The following POU6F2 variants were observed in gnomAD, a reference collection of about 807,000 sequenced individuals.
POU6F2 encodes POU class 6 homeobox 2.
Under a neutral mutation model 71.3 loss-of-function variants are expected in POU6F2, and 31 were observed. The ratio of observed to expected loss-of-function variants is 0.43; its 90% CI spans 0.33 to 0.59. The LOEUF (loss-of-function observed/expected upper bound fraction) is 0.59. Ranked by LOEUF, POU6F2 falls within the 20% of genes least tolerant of loss-of-function variation. The pLI is 0.04. For synonymous variants in POU6F2, 347 were observed against 355.7 expected, an observed-to-expected ratio of 0.98 and a Z score of 0.27; for missense variants, 783 against 856.8, an observed-to-expected ratio of 0.91 and a Z score of 1.07.
At chr7:39,300,541 G>T (rs1234215608) in intron 4 of POU6F2, among the ~76,000 whole-genome samples, 2 of 152,178 alleles carry the variant, frequency 1.3e-5, no homozygotes, top group Non-Finnish European at 2.9e-5. Flanking sequence ...AGACTGGGTG[G>T]CTAACACAAC....
chr7:39,191,517 G>A (rs975189806), intron 2 of POU6F2, among the ~76,000 whole-genome samples: 6 of 151,192 alleles, frequency 4.0e-5, no homozygotes, highest in African/African-American at 1.5e-4. Context: ...GGTTAGTAGG[G>A]ATATTTACAT....
intron 4 of POU6F2, among the ~76,000 whole-genome samples, chr7:39,245,714 G>A (rs1307938564): frequency 6.6e-6 from 1 of 152,058 alleles, no homozygotes; most frequent in Non-Finnish European, 1.5e-5. Context: ...AACCTTAGAG[G>A]TCTCCAGTAT....
chr7:39,205,791 C>G (rs771796073), intron 3 of POU6F2, among the ~76,000 whole-genome samples: 3 of 152,156 alleles, frequency 2.0e-5, no homozygotes, highest in Non-Finnish European at 4.4e-5. Context: ...GTGCAGAATC[C>G]TAGGGCTCTG....
At chr7:39,208,862 A>G (rs776302888) in intron 4 of POU6F2, among the ~76,000 whole-genome samples, 2 of 152,216 alleles carry the variant, frequency 1.3e-5, no homozygotes, top group Non-Finnish European at 2.9e-5. Context: ...AACAAAGTGT[A>G]GGGAGAGGCG....
intron 1 of POU6F2, among the ~76,000 whole-genome samples, chr7:38,989,829 G>T (rs959490932): frequency 8.3e-5 from 10 of 120,486 alleles, no homozygotes; most frequent in Non-Finnish European, 1.3e-4. Flanking sequence ...GTGTGTGTTT[G>T]TGTGTGTGTG....
rs1173643468 is a variant in POU6F2, at chr7:39,340,927, C to T, written c.972+912C>T. Reference sequence around the variant, plus strand: ...TTGACTTGCACAATGACATTTTTCCCTGTGAGATTTCAGACAATCTCGTGT... The same window carrying T: ...TTGACTTGCACAATGACATTTTTCCTTGTGAGATTTCAGACAATCTCGTGT... On this transcript the variant is annotated intron_variant, in intron 5 of 9. Transcript: ENST00000518318. Among the ~76,000 whole-genome samples, 3 of 152,274 alleles carry T rather than the reference C, an allele frequency of 2.0e-5. No individual in the cohort carries two copies. In the East Asian group the frequency reaches 5.8e-4, roughly 29 times the overall value.
Position 39,458,185 on chromosome 7 carries a change from C to T in POU6F2, c.1490-2362C>T, listed in dbSNP as rs1356139829. Among the ~76,000 whole-genome samples, 7 of 152,032 alleles carry T rather than the reference C, an allele frequency of 4.6e-5. No individual in the cohort carries two copies. The East Asian group carries it at 1.3e-3, about 29-fold the overall frequency. ...ATGCTTTAAACGCAGGGTCACAAAA[C>T]GGGCTGAGCAGGGAGCAGGTTGGAG... On this transcript the variant is annotated intron_variant, in intron 8 of 9. Coordinates refer to ENST00000518318, the MANE Select transcript of POU6F2 (RefSeq NM_001370959.1).
At chr7:39,366,529 G>T (rs1475136579) in intron 5 of POU6F2, among the ~76,000 whole-genome samples, 3 of 152,174 alleles carry the variant, frequency 2.0e-5, no homozygotes, top group African/African-American at 4.8e-5. Context: ...CTAAACTGTG[G>T]TCTTCAAGGA....
Position 39,339,658 on chromosome 7 carries a change from CT to C in POU6F2, c.616del (p.Ser206ProfsTer125). On this transcript the variant is annotated frameshift_variant, in exon 5 of 10. Transcript: ENST00000518318. LOFTEE classifies it high-confidence loss of function. The part of the protein sequence containing the change: ...QNLQATSSLN[S>X]QLQQLQLQLQ... ...TCCTTGTAGCTACCTCATCCCTGAA[CT>C]CCCAGCTCCAGCAGCTCCAGCTCCA... is the stretch of plus-strand genomic sequence containing the variant. The C allele has an allele frequency of 6.3e-7, 1 of 1,595,516 alleles. No individual in the cohort carries two copies. Among genetic ancestry groups the C allele is most frequent in the Non-Finnish European group, 8.5e-7 (1 of 1,175,932 alleles).
intron 4 of POU6F2, among the ~76,000 whole-genome samples, chr7:39,270,868 G>A (rs1418647333): frequency 1.3e-5 from 2 of 152,050 alleles, no homozygotes; most frequent in South Asian, 2.1e-4. Flanking sequence ...TAGTAACTTC[G>A]AGGCTCACTT....
chr7:39,282,919 A>T (rs1159034070), intron 4 of POU6F2, among the ~76,000 whole-genome samples: 2 of 152,148 alleles, frequency 1.3e-5, no homozygotes, highest in African/African-American at 2.4e-5. Context: ...TGAACTCAGG[A>T]TATCTTTCCA....
intron 5 of POU6F2, among the ~76,000 whole-genome samples, chr7:39,354,924 C>A (rs923893899): frequency 1.3e-4 from 20 of 152,196 alleles, no homozygotes; most frequent in African/African-American, 4.6e-4. Flanking sequence ...GCCTTTGGAG[C>A]AGTAAGAGCT....
intron 2 of POU6F2, among the ~76,000 whole-genome samples, chr7:39,093,867 G>T (rs1442034864): frequency 6.6e-6 from 1 of 152,056 alleles, no homozygotes; most frequent in East Asian, 1.9e-4. Flanking sequence ...TAAAATATTT[G>T]TGTGTGTCTA....
intron 2 of POU6F2, among the ~76,000 whole-genome samples, chr7:39,178,214 G>A (rs10246388): frequency 0.83 from 126,313 of 152,120 alleles, 52,899 homozygotes; most frequent in East Asian, 1. Flanking sequence ...AGATCATGCC[G>A]CTGCACTCCA....
intron 1 of POU6F2, among the ~76,000 whole-genome samples, chr7:38,998,467 T>G (rs544263150): frequency 1.3e-5 from 2 of 152,202 alleles, no homozygotes; most frequent in Admixed American, 1.3e-4. Flanking sequence ...ATCTCATTTT[T>G]AAAAATCATA....
At chr7:39,036,573 G>A (rs909881451) in intron 1 of POU6F2, among the ~76,000 whole-genome samples, 1 of 151,666 alleles carries the variant, frequency 6.6e-6, no homozygotes, top group Admixed American at 6.6e-5. Context: ...TAAGAGGAAG[G>A]GGAAGTTTCA....
intron 5 of POU6F2, among the ~76,000 whole-genome samples, chr7:39,371,173 C>T (rs1429177433): frequency 1.3e-5 from 2 of 150,958 alleles, no homozygotes; most frequent in Non-Finnish European, 1.5e-5. Context: ...AAGCCAGACT[C>T]GGAGAATGGT....
At chr7:39,251,475 T>G (rs73380923) in intron 4 of POU6F2, among the ~76,000 whole-genome samples, 168 of 152,282 alleles carry the variant, frequency 1.1e-3, no homozygotes, top group African/African-American at 3.8e-3. Context: ...AGAGCTGGTT[T>G]GTTTGTTCTT....
intron 1 of POU6F2, among the ~76,000 whole-genome samples, chr7:39,080,190 T>C (rs1474174877): frequency 2.0e-5 from 3 of 152,160 alleles, no homozygotes; most frequent in African/African-American, 7.2e-5. Flanking sequence ...AAATTAGAAA[T>C]GTTTTATAAC....
Sources: allele counts gnomAD v4.1 joint callset (sites outside exome capture counted in the v4.1 genomes callset), GRCh38; gene constraint gnomAD v4.1.1; transcripts MANE v1.5; gene names NCBI Gene and HGNC (gene_info 2026-07-23, HGNC 2026-07-21).